RNF166: variants seen among roughly 807,000 people sequenced by gnomAD.
RNF166 encodes the protein E3 ubiquitin-protein ligase RNF166.
A neutral mutation model predicts 29.4 loss-of-function variants in RNF166; 19 were observed. That is an observed-to-expected ratio of 0.65 (90% CI 0.45 to 0.95). The LOEUF is 0.95. RNF166 is among the 40% of genes least tolerant of loss of function. RNF166 has a pLI of 0.00. For missense variants in RNF166, 347 were observed against 322.1 expected, an observed-to-expected ratio of 1.08 and a Z score of -0.59; for synonymous variants, 171 against 134.5, an observed-to-expected ratio of 1.27 and a Z score of -1.88.
intron 1 of RNF166, among the ~76,000 whole-genome samples, chr16:88,704,866 T>G (rs1175294885): frequency 6.6e-6 from 1 of 152,120 alleles, no homozygotes; most frequent in Admixed American, 6.5e-5. Context: ...GGCGGGTGCC[T>G]GTAATCCCAG....
chr16:88,702,625 G>A, intron 1 of RNF166: 1 of 894,888 alleles, frequency 1.1e-6, no homozygotes, highest in Non-Finnish European at 1.3e-6. Flanking sequence ...GGCCCTCTTT[G>A]CCACCACTGG....
chr16:88,699,856 AG>A, intron 2 of RNF166, 124 bp from the exon 3 acceptor site: 1 of 634,286 alleles, frequency 1.6e-6, no homozygotes, highest in Non-Finnish European at 2.7e-6. Context: ...TGCCAGCAGC[AG>A]GGGGACCCGG....
In RNF166 at chr16:88,696,692, C is replaced by A. The variant is rs751416295; in HGVS notation, c.*876G>T. Reference sequence around the variant, plus strand: ...GCACAGTCAGCTTTGAAGGTGACAGCGGGCCAAGGCCAGGACTCTGGGTGG... The same window carrying A: ...GCACAGTCAGCTTTGAAGGTGACAGAGGGCCAAGGCCAGGACTCTGGGTGG... On this transcript the variant is annotated 3_prime_UTR_variant, in exon 6 of 6. Coordinates refer to ENST00000312838, the MANE Select transcript of RNF166 (RefSeq NM_178841.4). 7.4e-5 allele frequency: 32 copies of A among 431,362 alleles called. 1 individual carries two copies. Among genetic ancestry groups the A allele is most frequent in the South Asian group, 5.3e-4 (32 of 59,862 alleles). The allele number at this position is 431,362 out of a possible 1,614,324, so 26.7% of individuals were successfully genotyped here. A position where few individuals can be genotyped will look rare whatever the true frequency, so the allele number is the denominator to read the frequency against.
intron 2 of RNF166, chr16:88,701,014 G>C: frequency 1.5e-6 from 2 of 1,370,154 alleles, no homozygotes; most frequent in East Asian, 2.9e-5. Flanking sequence ...CCCCTGGCCC[G>C]GGCTAGGCGG....
chr16:88,706,036 C>A (rs558101626), intron 1 of RNF166, 135 bp downstream of exon 1: 27 of 416,168 alleles, frequency 6.5e-5, no homozygotes, highest in South Asian at 1.0e-4. Context: ...CCGGACCCCA[C>A]GCGCCCCGAG....
rs756905133 is a variant in RNF166 at position 88,699,608 on chromosome 16, C to T, written c.425+12G>A. 6 of 1,599,928 alleles carry T rather than the reference C, an allele frequency of 3.8e-6. No individual in the cohort carries two copies. The African/African-American group carries it at 4.0e-5, about 11-fold the overall frequency. ...AGGACAGTTCCTCTCCCTTGCCCGG[C>T]AGCGTGCCTACCTGGGGATAGGCTG... On this transcript the variant is annotated intron_variant, in intron 3 of 5. Transcript: ENST00000312838.
At position 88,699,090 on chromosome 16, in the gene RNF166, C is replaced by T. The variant is rs752467880; in HGVS notation, c.426-5G>A. 3.5e-5 allele frequency: 56 copies of T among 1,591,878 alleles called. No individual in the cohort carries two copies. Among genetic ancestry groups the T allele is most frequent in the South Asian group, 1.5e-4 (13 of 88,866 alleles). On this transcript the variant is annotated splice_polypyrimidine_tract_variant and splice_region_variant and intron_variant, in intron 3 of 5. Coordinates refer to ENST00000312838, the MANE Select transcript of RNF166 (RefSeq NM_178841.4). ...GTGGACCTGTTGGGGATGTTGCTGG[C>T]GGGGCGGGGGTAGAGTGAGTGGCAC...
At chr16:88,704,055 C>A (rs972766170) in intron 1 of RNF166, 2 of 985,424 alleles carry the variant, frequency 2.0e-6, no homozygotes, top group Non-Finnish European at 1.2e-6. Context: ...GCCTCCTGCG[C>A]GAGGGCTAGA....
chr16:88,703,799 C>T (rs574194086), intron 1 of RNF166: 3 of 985,458 alleles, frequency 3.0e-6, no homozygotes, highest in East Asian at 1.1e-4. Context: ...CAATGTGTCT[C>T]CCACACTGGC....
intron 1 of RNF166, among the ~76,000 whole-genome samples, chr16:88,705,923 G>C (rs554237079): frequency 6.6e-6 from 1 of 152,094 alleles, no homozygotes; most frequent in Non-Finnish European, 1.5e-5. Context: ...GTCGCCCGGT[G>C]AACCGAAGCA....
chr16:88,703,121 G>A (rs71395317), intron 1 of RNF166: 56,714 of 982,652 alleles, frequency 0.058, 1,855 homozygotes, highest in Middle Eastern at 0.066. Context: ...CCCGTGTCGT[G>A]GGGGTCCACT....
chr16:88,702,305 C>T (rs1290786830), intron 1 of RNF166, among the ~76,000 whole-genome samples: 9 of 152,176 alleles, frequency 5.9e-5, no homozygotes, highest in Admixed American at 5.9e-4. Flanking sequence ...GTGGGGACAG[C>T]TGAGCTGCGG....
chr16:88,697,589 G>C lies in RNF166; in HGVS notation c.693C>G (p.Ala231=). 1 of 1,551,068 alleles carries C rather than the reference G, an allele frequency of 6.4e-7. No individual in the cohort carries two copies. The highest frequency in any genetic ancestry group is 8.7e-7 in the Non-Finnish European group (1 of 1,147,180). ...DEEAAFQAAL[A]LSLSEN ...CCCTTCAGTTCTCAGAGAGAGACAG[G>C]GCCAGAGCAGCCTGGAAGGCGGCCT... The change falls in exon 6 of 6, where the codon GCC becomes GCG. Residue 231 remains alanine (A), a synonymous_variant. Coordinates refer to ENST00000312838, the MANE Select transcript of RNF166 (RefSeq NM_178841.4).
chr16:88,701,979 G>A (rs1052117500), intron 1 of RNF166, among the ~76,000 whole-genome samples: 3 of 152,190 alleles, frequency 2.0e-5, no homozygotes, highest in Admixed American at 1.3e-4. Flanking sequence ...GGACAGCTTC[G>A]CAGGCAGGAG....
At chr16:88,705,570 C>A (rs1003639636) in intron 1 of RNF166, among the ~76,000 whole-genome samples, 1 of 152,208 alleles carries the variant, frequency 6.6e-6, no homozygotes, top group Non-Finnish European at 1.5e-5. Flanking sequence ...GCTGGAAACC[C>A]CAGCAAGGTG....
chr16:88,701,051 T>C, intron 2 of RNF166: 5 of 1,358,496 alleles, frequency 3.7e-6, no homozygotes, highest in Non-Finnish European at 4.8e-6. Context: ...CCCACCGGGC[T>C]GGCCCCCCCG....
At chr16:88,702,835 C>A in intron 1 of RNF166, 1 of 985,520 alleles carries the variant, frequency 1.0e-6, no homozygotes, top group Non-Finnish European at 1.2e-6. Flanking sequence ...GGCACTGACC[C>A]CTGGATTTGA....
At chr16:88,698,369 T>C in intron 5 of RNF166, 133 bp downstream of exon 5, 1 of 776,326 alleles carries the variant, frequency 1.3e-6, no homozygotes, top group Non-Finnish European at 2.3e-6. Flanking sequence ...TGGGGGAATG[T>C]GGCCACCTGA....
At chr16:88,700,609 C>CA in intron 2 of RNF166, 1 of 985,662 alleles carries the variant, frequency 1.0e-6, no homozygotes, top group Non-Finnish European at 1.2e-6. Flanking sequence ...AACGCAAATG[C>CA]AAAATCACCT....
Sources: allele counts gnomAD v4.1 joint callset (sites outside exome capture counted in the v4.1 genomes callset), GRCh38; gene constraint gnomAD v4.1.1; transcripts MANE v1.5; gene names NCBI Gene and HGNC (gene_info 2026-07-23, HGNC 2026-07-21).